FGGY: variants seen among roughly 807,000 people sequenced by gnomAD.
FGGY encodes the protein FGGY carbohydrate kinase domain-containing protein.
FGGY carries 72 observed loss-of-function variants against 71.3 expected under a neutral mutation model. That is an observed-to-expected ratio of 1.01 (90% CI 0.84 to 1.23). The LOEUF (loss-of-function observed/expected upper bound fraction) is 1.23. Among genes scored for constraint, FGGY ranks in the 50% most tolerant of loss-of-function variants. The probability of loss-of-function intolerance (pLI) is 0.00; values close to 1 mark genes in which losing one functional copy is unlikely to be tolerated. For synonymous variants in FGGY, 251 were observed against 250.3 expected (o/e 1.00, Z -0.02); for missense variants, 668 against 682.3 (o/e 0.98, Z 0.23).
intron 14 of FGGY, among the ~76,000 whole-genome samples, chr1:59,722,698 A>G (rs1468948357): frequency 2.0e-5 from 3 of 152,080 alleles, no homozygotes; most frequent in Non-Finnish European, 4.4e-5. Flanking sequence ...TTATATTCTT[A>G]CTTTCTGGCA....
At chr1:59,712,173 A>C (rs1266875336) in intron 14 of FGGY, among the ~76,000 whole-genome samples, 5 of 152,228 alleles carry the variant, frequency 3.3e-5, no homozygotes, top group Admixed American at 2.6e-4. Flanking sequence ...AAAATCCAGC[A>C]AGGCAGTCAA....
chr1:59,614,035 C>A (rs900513907), intron 9 of FGGY, among the ~76,000 whole-genome samples: 1 of 152,126 alleles, frequency 6.6e-6, no homozygotes, highest in South Asian at 2.1e-4. Flanking sequence ...AAGTACAGGA[C>A]CAGACGGATT....
At chr1:59,640,098 T>A (rs1040909575) in intron 11 of FGGY, among the ~76,000 whole-genome samples, 39 of 152,206 alleles carry the variant, frequency 2.6e-4, no homozygotes, top group Non-Finnish European at 5.3e-4. Context: ...TTTACTTTTT[T>A]AAAAAGTTGT....
chr1:59,615,616 C>T (rs990449650), intron 9 of FGGY, among the ~76,000 whole-genome samples: 1 of 152,138 alleles, frequency 6.6e-6, no homozygotes, highest in Non-Finnish European at 1.5e-5. Context: ...ACATCAAAAG[C>T]AACGGCAACA....
chr1:59,493,096 A>AC (rs1553245704), intron 6 of FGGY, among the ~76,000 whole-genome samples: 8 of 143,024 alleles, frequency 5.6e-5, no homozygotes, highest in Non-Finnish European at 1.2e-4. Flanking sequence ...TACCAAACAA[A>AC]ACACACACAC....
intron 5 of FGGY, among the ~76,000 whole-genome samples, chr1:59,412,593 T>C (rs2063764701): frequency 6.6e-6 from 1 of 152,220 alleles, no homozygotes; most frequent in African/African-American, 2.4e-5. Context: ...AAACTCCTTC[T>C]CTATAATCTC....
At position 59,555,335 on chromosome 1, in the gene FGGY, G is replaced by A. The variant is rs558770990; in HGVS notation, c.903+1108G>A. Among the ~76,000 whole-genome samples the A allele has an allele frequency of 1.6e-4, 24 of 152,256 alleles. 1 individual carries two copies. In the South Asian group the frequency reaches 4.8e-3, roughly 30 times the overall value. On this transcript the variant is annotated intron_variant, in intron 8 of 15. Coordinates refer to ENST00000303721, the MANE Select transcript of FGGY (RefSeq NM_018291.5). ...TTTCTATGGCTGAGGGAGCCAGCCCGAGTGGTTTCCAGTCCCACTTCCTCA... is the reference window on the plus strand; with the variant it reads ...TTTCTATGGCTGAGGGAGCCAGCCCAAGTGGTTTCCAGTCCCACTTCCTCA...
intron 6 of FGGY, among the ~76,000 whole-genome samples, chr1:59,504,925 C>T (rs1265981701): frequency 1.3e-5 from 2 of 152,128 alleles, no homozygotes; most frequent in African/African-American, 4.8e-5. Flanking sequence ...AACTTATGTT[C>T]TAGACACTGC....
intron 8 of FGGY, among the ~76,000 whole-genome samples, chr1:59,595,985 A>G (rs572009546): frequency 1.3e-5 from 2 of 152,152 alleles, no homozygotes; most frequent in African/African-American, 4.8e-5. Flanking sequence ...TGAAGCCATC[A>G]TTTCATTTGT....
intron 5 of FGGY, among the ~76,000 whole-genome samples, chr1:59,403,088 T>C (rs1456553402): frequency 6.6e-6 from 1 of 152,050 alleles, no homozygotes; most frequent in African/African-American, 2.4e-5. Context: ...GGTTATAGAG[T>C]TGTGGAAGAA....
chr1:59,395,871 C>T (rs1038435588), intron 5 of FGGY, among the ~76,000 whole-genome samples: 1 of 152,198 alleles, frequency 6.6e-6, no homozygotes, highest in Non-Finnish European at 1.5e-5. Flanking sequence ...TGGTTCCTTG[C>T]CTCTGATTAG....
intron 4 of FGGY, among the ~76,000 whole-genome samples, chr1:59,354,122 G>C (rs1366702474): frequency 6.6e-6 from 1 of 151,898 alleles, no homozygotes; most frequent in Non-Finnish European, 1.5e-5. Context: ...CTGTCACCCA[G>C]GTTGGAGTAC....
At chr1:59,747,444 G>A (rs529776753) in intron 14 of FGGY, among the ~76,000 whole-genome samples, 1 of 152,320 alleles carries the variant, frequency 6.6e-6, no homozygotes, top group African/African-American at 2.4e-5. Context: ...GGAAAACACT[G>A]TGGGTATATT....
rs554519123 is a variant in FGGY at position 59,582,625 on chromosome 1, C to T, written c.904-25178C>T. Among the ~76,000 whole-genome samples, 9 of 150,022 alleles carry T rather than the reference C, an allele frequency of 6.0e-5. No individual in the cohort carries two copies. The East Asian group carries it at 7.8e-4, about 13-fold the overall frequency. On this transcript the variant is annotated intron_variant, in intron 8 of 15. Transcript: ENST00000303721. ...TTAGCTCAGGCATCTAATATCCTCTCGCTGGAAGCTTTCAGACTAGATTAG... is the reference window on the plus strand; with the variant it reads ...TTAGCTCAGGCATCTAATATCCTCTTGCTGGAAGCTTTCAGACTAGATTAG...
chr1:59,457,538 G>T (rs2091832830), intron 6 of FGGY, among the ~76,000 whole-genome samples: 1 of 152,104 alleles, frequency 6.6e-6, no homozygotes, highest in African/African-American at 2.4e-5. Context: ...TTGAGCCTGG[G>T]AGGCAGAGGA....
chr1:59,615,044 G>T (rs932428911), intron 9 of FGGY, among the ~76,000 whole-genome samples: 1 of 152,174 alleles, frequency 6.6e-6, no homozygotes, highest in Non-Finnish European at 1.5e-5. Context: ...TGGGTAGGAA[G>T]AATCAATATC....
intron 14 of FGGY, among the ~76,000 whole-genome samples, chr1:59,756,765 A>C (rs1482913847): frequency 6.6e-6 from 1 of 152,214 alleles, no homozygotes; most frequent in Non-Finnish European, 1.5e-5. Flanking sequence ...GTAAATATAC[A>C]AAGTGGCAGA....
At chr1:59,616,220 G>A (rs2096751736) in intron 9 of FGGY, among the ~76,000 whole-genome samples, 1 of 152,192 alleles carries the variant, frequency 6.6e-6, no homozygotes, top group Admixed American at 6.5e-5. Flanking sequence ...CAATAGCAAA[G>A]TCTTGGAACC....
intron 14 of FGGY, among the ~76,000 whole-genome samples, chr1:59,684,733 A>C (rs901996200): frequency 6.6e-6 from 1 of 152,160 alleles, no homozygotes; most frequent in Admixed American, 6.5e-5. Flanking sequence ...TAGCCCTCTA[A>C]GTCACCTTGC....
Sources: allele counts gnomAD v4.1 joint callset (sites outside exome capture counted in the v4.1 genomes callset), GRCh38; gene constraint gnomAD v4.1.1; transcripts MANE v1.5; gene names NCBI Gene and HGNC (gene_info 2026-07-23, HGNC 2026-07-21).